Variants in SGCZ observed in about 807,000 individuals in gnomAD.
SGCZ encodes the protein zeta-sarcoglycan.
SGCZ carries 40 observed loss-of-function variants against 41.3 expected under a neutral mutation model. The ratio of observed to expected loss-of-function variants is 0.97; its 90% CI spans 0.75 to 1.26. The LOEUF is 1.26. Ranked by LOEUF, SGCZ falls within the 50% of genes most tolerant of loss-of-function variation. SGCZ has a pLI of 0.00. For missense variants in SGCZ, 552 were observed against 369.8 expected, an observed-to-expected ratio of 1.49 and a Z score of -4.04; for synonymous variants, 206 against 137.5, an observed-to-expected ratio of 1.50 and a Z score of -3.49.
intron 2 of SGCZ, among the ~76,000 whole-genome samples, chr8:14,454,533 G>C (rs529710987): frequency 5.4e-4 from 82 of 151,912 alleles, no homozygotes; most frequent in African/African-American, 1.9e-3. Context: ...TCTATATTAG[G>C]GAGTTAAAAA....
In SGCZ at chr8:14,388,455, T is replaced by C. The variant is rs1209820765; in HGVS notation, c.235-64251A>G. 4.6e-5 allele frequency among the ~76,000 whole-genome samples: 7 copies of C among 152,018 alleles called. No individual in the cohort carries two copies. In the South Asian group the frequency reaches 1.5e-3, roughly 31 times the overall value. On this transcript the variant is annotated intron_variant, in intron 2 of 7. Transcript: ENST00000382080. ...ATATTTTTTCTGTTGGCCTGGAAAA[T>C]GGTGAGAGATTATACCATCTATCTG...
At chr8:14,922,474 G>T (rs533667664) in intron 1 of SGCZ, among the ~76,000 whole-genome samples, 178 of 152,098 alleles carry the variant, frequency 1.2e-3, no homozygotes, top group African/African-American at 4.0e-3. Context: ...TATTTTTTGA[G>T]ATGGAGTTTC....
At chr8:14,313,697 G>T (rs1319609244) in intron 3 of SGCZ, among the ~76,000 whole-genome samples, 2 of 152,108 alleles carry the variant, frequency 1.3e-5, no homozygotes, top group Admixed American at 6.6e-5. Context: ...GGAATTTAAA[G>T]ATATGTAATA....
chr8:15,176,362 A>T (rs1248056549), intron 1 of SGCZ, among the ~76,000 whole-genome samples: 1 of 152,136 alleles, frequency 6.6e-6, no homozygotes, highest in African/African-American at 2.4e-5. Flanking sequence ...TTTTAGAAAC[A>T]ATTTCTCATT....
At chr8:14,230,260 T>C (rs972702914) in intron 4 of SGCZ, among the ~76,000 whole-genome samples, 2 of 152,078 alleles carry the variant, frequency 1.3e-5, no homozygotes, top group Admixed American at 6.6e-5. Flanking sequence ...ACTCATTTCA[T>C]ACACAAGGCA....
At chr8:15,039,874 G>T (rs1426385872) in intron 1 of SGCZ, among the ~76,000 whole-genome samples, 2 of 152,110 alleles carry the variant, frequency 1.3e-5, no homozygotes, top group Non-Finnish European at 2.9e-5. Flanking sequence ...TGGTTAAACC[G>T]CAGCTTTTCA....
intron 1 of SGCZ, among the ~76,000 whole-genome samples, chr8:14,633,071 T>C (rs907758178): frequency 6.6e-6 from 1 of 152,062 alleles, no homozygotes; most frequent in African/African-American, 2.4e-5. Context: ...TTTATACCTG[T>C]CTTGTAACTG....
At chr8:14,214,325 G>C (rs1417982053) in intron 4 of SGCZ, among the ~76,000 whole-genome samples, 2 of 152,094 alleles carry the variant, frequency 1.3e-5, no homozygotes, top group Non-Finnish European at 2.9e-5. Context: ...AGGAACAGTA[G>C]AGACAAGACT....
At chr8:14,818,615 G>C (rs1054293163) in intron 1 of SGCZ, among the ~76,000 whole-genome samples, 1 of 151,932 alleles carries the variant, frequency 6.6e-6, no homozygotes, top group Non-Finnish European at 1.5e-5. Flanking sequence ...TATCTGAAAA[G>C]GAATTCAAAC....
In SGCZ at chr8:14,609,966, T is replaced by C. The variant is rs138944616; in HGVS notation, c.40-55040A>G. On this transcript the variant is annotated intron_variant, in intron 1 of 7. Transcript: ENST00000382080. ...CTCAAATTAAACAAAAATAAATAAA[T>C]TGAATACATTCATATTTTTGTTACA... Among the ~76,000 whole-genome samples the C allele has an allele frequency of 3.3e-5, 5 of 152,298 alleles. No individual in the cohort carries two copies. In the East Asian group the frequency reaches 9.6e-4, roughly 29 times the overall value.
At chr8:14,234,515 A>G (rs1255250816) in intron 4 of SGCZ, among the ~76,000 whole-genome samples, 1 of 152,132 alleles carries the variant, frequency 6.6e-6, no homozygotes, top group South Asian at 2.1e-4. Flanking sequence ...AAATCGATGC[A>G]TTCTATTGGT....
chr8:15,054,240 T>C (rs1804623193), intron 1 of SGCZ, among the ~76,000 whole-genome samples: 1 of 152,226 alleles, frequency 6.6e-6, no homozygotes, highest in South Asian at 2.1e-4. Context: ...AAAATATTTT[T>C]AAAATAGTCA....
intron 1 of SGCZ, among the ~76,000 whole-genome samples, chr8:14,967,450 C>T (rs995665399): frequency 1.6e-4 from 25 of 152,182 alleles, no homozygotes; most frequent in Non-Finnish European, 3.2e-4. Context: ...ACACCTCTGT[C>T]TTCAATTATG....
chr8:14,526,097 C>T (rs1212100532), intron 2 of SGCZ, among the ~76,000 whole-genome samples: 2 of 152,032 alleles, frequency 1.3e-5, no homozygotes, highest in African/African-American at 2.4e-5. Context: ...GCTGAAAGTG[C>T]ACAATAGAGT....
intron 1 of SGCZ, among the ~76,000 whole-genome samples, chr8:14,795,247 A>G (rs1241423093): frequency 1.3e-5 from 2 of 152,220 alleles, no homozygotes; most frequent in Non-Finnish European, 2.9e-5. Flanking sequence ...ATGTATATTC[A>G]CACTAAATTT....
At chr8:14,807,311 G>A (rs1348828877) in intron 1 of SGCZ, among the ~76,000 whole-genome samples, 1 of 152,132 alleles carries the variant, frequency 6.6e-6, no homozygotes, top group Non-Finnish European at 1.5e-5. Context: ...CAGACGACAT[G>A]ATTGTATATC....
intron 1 of SGCZ, among the ~76,000 whole-genome samples, chr8:14,832,307 T>C (rs912483987): frequency 6.6e-6 from 1 of 152,190 alleles, no homozygotes; most frequent in African/African-American, 2.4e-5. Flanking sequence ...ATATTGCTCA[T>C]GAATGTTGTC....
At chr8:15,208,786 C>T (rs1347301161) in intron 1 of SGCZ, among the ~76,000 whole-genome samples, 5 of 151,750 alleles carry the variant, frequency 3.3e-5, no homozygotes, top group African/African-American at 1.2e-4. Flanking sequence ...CTGCAAGATG[C>T]TAATAATCCA....
At chr8:14,306,654 C>T (rs959919049) in intron 3 of SGCZ, among the ~76,000 whole-genome samples, 4 of 151,928 alleles carry the variant, frequency 2.6e-5, no homozygotes, top group African/African-American at 7.3e-5. Context: ...AGGAAGGCAA[C>T]AATGACACTG....
Sources: allele counts gnomAD v4.1 joint callset (sites outside exome capture counted in the v4.1 genomes callset), GRCh38; gene constraint gnomAD v4.1.1; transcripts MANE v1.5; gene names NCBI Gene and HGNC (gene_info 2026-07-23, HGNC 2026-07-21).